Variants in SH3RF3 observed in about 807,000 individuals in gnomAD.
SH3RF3 encodes E3 ubiquitin-protein ligase SH3RF3.
A neutral mutation model predicts 66.3 loss-of-function variants in SH3RF3; 29 were observed. The ratio of observed to expected loss-of-function variants is 0.44; its 90% CI spans 0.33 to 0.60. SH3RF3 has a LOEUF of 0.60. Ranked by LOEUF, SH3RF3 falls within the 20% of genes least tolerant of loss-of-function variation. The pLI is 0.04. For missense variants in SH3RF3, 1,194 were observed against 1,190.9 expected, an observed-to-expected ratio of 1.00 and a Z score of -0.04; for synonymous variants, 583 against 532.0, an observed-to-expected ratio of 1.10 and a Z score of -1.32.
chr2:109,215,229 T>G (rs1679080447), intron 1 of SH3RF3, among the ~76,000 whole-genome samples: 1 of 152,098 alleles, frequency 6.6e-6, no homozygotes, highest in Admixed American at 6.5e-5. Context: ...GCCCCCTTAC[T>G]AATGTCACGG....
intron 4 of SH3RF3, among the ~76,000 whole-genome samples, chr2:109,403,811 C>T (rs1676378046): frequency 6.6e-6 from 1 of 152,226 alleles, no homozygotes; most frequent in African/African-American, 2.4e-5. Flanking sequence ...GCACCTGCAA[C>T]CTTGGGTAAG....
intron 1 of SH3RF3, among the ~76,000 whole-genome samples, chr2:109,278,512 A>AG (rs1343912475): frequency 1.3e-5 from 2 of 152,234 alleles, no homozygotes; most frequent in African/African-American, 4.8e-5. Context: ...ATTCAGCAGA[A>AG]GGGACAGCCA....
At chr2:109,393,223 G>A (rs1306760406) in intron 3 of SH3RF3, among the ~76,000 whole-genome samples, 4 of 152,244 alleles carry the variant, frequency 2.6e-5, no homozygotes, top group Non-Finnish European at 4.4e-5. Flanking sequence ...GAGCTTCAGG[G>A]TAAGGCGAAC....
At chr2:109,325,783 C>T (rs1682139919) in intron 1 of SH3RF3, among the ~76,000 whole-genome samples, 1 of 152,188 alleles carries the variant, frequency 6.6e-6, no homozygotes, top group Admixed American at 6.5e-5. Context: ...GGTTCAGGTG[C>T]CTGCTGCACC....
At chr2:109,425,532 G>C (rs906362095) in intron 5 of SH3RF3, among the ~76,000 whole-genome samples, 3 of 152,208 alleles carry the variant, frequency 2.0e-5, no homozygotes, top group Non-Finnish European at 4.4e-5. Context: ...TCTAAGTGAA[G>C]CCAGTGTTCA....
At chr2:109,269,525 A>G (rs557462888) in intron 1 of SH3RF3, among the ~76,000 whole-genome samples, 43 of 152,332 alleles carry the variant, frequency 2.8e-4, no homozygotes, top group Non-Finnish European at 5.4e-4. Context: ...TCATGCCTGT[A>G]ATCCCAGCAC....
At chr2:109,329,178 G>A (rs547770304) in intron 1 of SH3RF3, among the ~76,000 whole-genome samples, 11 of 151,982 alleles carry the variant, frequency 7.2e-5, no homozygotes, top group Non-Finnish European at 1.5e-4. Context: ...CATTTGTTTG[G>A]TGTTCCCTCT....
rs183749927 is a variant in SH3RF3 at position 109,224,974 on chromosome 2, A to G, written c.573+94861A>G. ...AACTGCAGCATAACCTTATCTTTTT[A>G]AAAATCTTATTTTAAAAAGAATTTT... is the stretch of plus-strand genomic sequence containing the variant. On this transcript the variant is annotated intron_variant, in intron 1 of 9. Transcript: ENST00000309415. Among the ~76,000 whole-genome samples the G allele has an allele frequency of 4.8e-4, 73 of 152,284 alleles. 1 individual carries two copies. The highest frequency in any genetic ancestry group is 6.8e-3 in the Middle Eastern group (2 of 294).
At position 109,503,105 on chromosome 2, in the gene SH3RF3, G is replaced by C. The variant is rs1389525743; in HGVS notation, c.*1434G>C. ...ATTAGCACCATGGCTCACTTCCCAG[G>C]AAGACTGATCAGGAGCCCTTCAGGG... On this transcript the variant is annotated 3_prime_UTR_variant, in exon 10 of 10. Transcript: ENST00000309415. The C allele has an allele frequency of 1.3e-5, 2 of 152,196 alleles. No homozygotes were observed. Among genetic ancestry groups the C allele is most frequent in the Non-Finnish European group, 2.9e-5 (2 of 68,040 alleles). The allele number at this position is 152,196 out of a possible 1,614,324, so 9.4% of individuals were successfully genotyped here.
chr2:109,327,913 C>A (rs1164695236), intron 1 of SH3RF3, among the ~76,000 whole-genome samples: 1 of 152,122 alleles, frequency 6.6e-6, no homozygotes, highest in Non-Finnish European at 1.5e-5. Context: ...ATTATGGATA[C>A]CTTCAAACAT....
intron 1 of SH3RF3, among the ~76,000 whole-genome samples, chr2:109,163,476 G>T (rs1043203167): frequency 1.7e-4 from 21 of 123,510 alleles, no homozygotes; most frequent in Non-Finnish European, 3.1e-4. Context: ...TCGGCTCACT[G>T]CAAGCTCCGC....
intron 2 of SH3RF3, among the ~76,000 whole-genome samples, chr2:109,367,119 ATTTTTTTTTTT>A (rs150005222): frequency 8.8e-6 from 1 of 113,292 alleles, no homozygotes; most frequent in African/African-American, 3.5e-5. Flanking sequence ...TGCCCTGGTA[ATTTTTTTTTTT>A]TTTTTTTTTT....
chr2:109,358,139 C>T (rs1377621014), intron 2 of SH3RF3, among the ~76,000 whole-genome samples: 2 of 152,242 alleles, frequency 1.3e-5, no homozygotes, highest in Non-Finnish European at 2.9e-5. Context: ...CGGTTGAAAT[C>T]ATACAATATG....
intron 5 of SH3RF3, among the ~76,000 whole-genome samples, chr2:109,424,015 G>C (rs566135203): frequency 2.0e-5 from 3 of 152,324 alleles, no homozygotes; most frequent in Non-Finnish European, 4.4e-5. Context: ...CTGCAGGGCC[G>C]GTTGCAGTGG....
intron 4 of SH3RF3, among the ~76,000 whole-genome samples, chr2:109,413,118 A>G (rs895337985): frequency 6.6e-6 from 1 of 152,072 alleles, no homozygotes; most frequent in African/African-American, 2.4e-5. Flanking sequence ...TCATTATTTT[A>G]TATATATATT....
At chr2:109,195,722 A>T (rs1678482938) in intron 1 of SH3RF3, among the ~76,000 whole-genome samples, 1 of 151,960 alleles carries the variant, frequency 6.6e-6, no homozygotes, top group African/African-American at 2.4e-5. Flanking sequence ...TTTGGTACTC[A>T]TTTGACCTGG....
At chr2:109,391,470 C>T (rs1675994700) in intron 3 of SH3RF3, among the ~76,000 whole-genome samples, 2 of 152,240 alleles carry the variant, frequency 1.3e-5, no homozygotes, top group Admixed American at 6.5e-5. Flanking sequence ...CCGGCGGCCT[C>T]ACACAGGTCT....
chr2:109,221,019 GAC>G (rs1679220331), intron 1 of SH3RF3, among the ~76,000 whole-genome samples: 1 of 152,096 alleles, frequency 6.6e-6, no homozygotes, highest in Non-Finnish European at 1.5e-5. Flanking sequence ...ACTGACAGAT[GAC>G]AGGGTAAACA....
At chr2:109,166,499 A>G (rs941409305) in intron 1 of SH3RF3, among the ~76,000 whole-genome samples, 4 of 151,004 alleles carry the variant, frequency 2.6e-5, no homozygotes, top group East Asian at 1.9e-4. Context: ...CTTCACCTCT[A>G]TGTCAAGCTC....
Sources: allele counts gnomAD v4.1 joint callset (sites outside exome capture counted in the v4.1 genomes callset), GRCh38; gene constraint gnomAD v4.1.1; transcripts MANE v1.5; gene names NCBI Gene and HGNC (gene_info 2026-07-23, HGNC 2026-07-21).